The following MRPS25 variants were observed in gnomAD, a reference collection of about 807,000 sequenced individuals.
MRPS25 encodes the protein small ribosomal subunit protein mS25.
A neutral mutation model predicts 17.3 loss-of-function variants in MRPS25; 15 were observed. The observed-to-expected ratio is 0.87, with a 90% CI of 0.58 to 1.34. MRPS25 has a LOEUF of 1.34. Among genes scored for constraint, MRPS25 ranks in the 40% most tolerant of loss-of-function variants. The pLI is 0.00. For missense variants in MRPS25, 225 were observed against 218.6 expected (o/e 1.03, Z -0.19); for synonymous variants, 94 against 83.3 (o/e 1.13, Z -0.70).
At chr3:15,057,023 C>CT in intron 2 of MRPS25, among the ~76,000 whole-genome samples, 1 of 152,186 alleles carries the variant, frequency 6.6e-6, no homozygotes, top group East Asian at 1.9e-4. Context: ...CCTGCGCAGC[C>CT]TACACACACG....
At chr3:15,045,471 G>C (rs1266276063), downstream of MRPS25, 1 of 152,700 alleles carries the variant, frequency 6.5e-6, no homozygotes, top group Non-Finnish European at 1.5e-5. Context: ...AAGTCCCCTT[G>C]CTGGTGATGG....
At position 15,049,114 on chromosome 3, in the gene MRPS25, G is replaced by C. The variant is rs1449118106; in HGVS notation, c.*3327C>G. On this transcript the variant is annotated 3_prime_UTR_variant, in exon 4 of 4. Transcript: ENST00000253686. ...ATATCTAATCAATGTCTTCAGTCTT[G>C]AAGAAGAATTTGCATTGTTGTGTTT... is the stretch of plus-strand genomic sequence containing the variant. The C allele has an allele frequency of 6.6e-6, 1 of 152,598 alleles. No homozygotes were observed. Among genetic ancestry groups the C allele is most frequent in the Non-Finnish European group, 1.5e-5 (1 of 68,026 alleles). 9.5% of individuals were successfully genotyped at this position (152,598 alleles called of 1,614,324 possible).
downstream of MRPS25, chr3:15,042,799 A>C: frequency 1.9e-6 from 3 of 1,598,142 alleles, no homozygotes; most frequent in Non-Finnish European, 2.6e-6. Context: ...AGGGCATCAA[A>C]CAGTCTCCTT....
chr3:15,063,164 A>G (rs963823654), intron 1 of MRPS25, among the ~76,000 whole-genome samples: 2 of 151,960 alleles, frequency 1.3e-5, no homozygotes, highest in African/African-American at 4.9e-5. Flanking sequence ...GGGGTTTTAC[A>G]ATTTAAGGAA....
rs1322898212 is a variant in MRPS25 at position 15,051,428 on chromosome 3, C to T, written c.*1013G>A. ...CGAACTCCTGGGCTCAACTATCCGC[C>T]CACATCAGCCTCCCAAAGTGCTGGG... On this transcript the variant is annotated 3_prime_UTR_variant, in exon 4 of 4. Coordinates refer to ENST00000253686, the MANE Select transcript of MRPS25 (RefSeq NM_022497.5). 2 of 898,470 alleles carry T rather than the reference C, an allele frequency of 2.2e-6. No homozygotes were observed. Among genetic ancestry groups the T allele is most frequent in the Non-Finnish European group, 2.7e-6 (2 of 750,796 alleles). 55.7% of individuals were successfully genotyped at this position (898,470 alleles called of 1,614,324 possible). A position where few individuals can be genotyped will look rare whatever the true frequency, so the allele number is the denominator to read the frequency against.
At chr3:15,064,951 C>T (rs1575075139) in intron 1 of MRPS25, 110 bp downstream of exon 1, 1 of 1,394,388 alleles carries the variant, frequency 7.2e-7, no homozygotes, top group Non-Finnish European at 9.6e-7. Flanking sequence ...ACCTGGGGGG[C>T]CCGCCCCGGG....
chr3:15,059,270 G>A, intron 2 of MRPS25, 99 bp downstream of exon 2: 1 of 828,296 alleles, frequency 1.2e-6, no homozygotes, highest in Non-Finnish European at 2.0e-6. Context: ...CACCATGACA[G>A]CGCACACTGC....
chr3:15,058,424 C>T (rs572764072), intron 2 of MRPS25, among the ~76,000 whole-genome samples: 7 of 152,114 alleles, frequency 4.6e-5, no homozygotes, highest in South Asian at 2.1e-4. Flanking sequence ...CTCCTGACCT[C>T]GTGATCCACC....
chr3:15,064,347 T>C (rs991359013), intron 1 of MRPS25, among the ~76,000 whole-genome samples: 3 of 152,146 alleles, frequency 2.0e-5, no homozygotes, highest in African/African-American at 7.2e-5. Context: ...GTCCCTACTC[T>C]GCTCCAAGCT....
intron 1 of MRPS25, among the ~76,000 whole-genome samples, chr3:15,063,122 G>C (rs986156811): frequency 6.6e-6 from 1 of 151,908 alleles, no homozygotes; most frequent in Admixed American, 6.6e-5. Context: ...CAGACACTTT[G>C]CTAGGCACCT....
chr3:15,042,817 G>GAC (rs1559314668), downstream of MRPS25: 1 of 1,610,212 alleles, frequency 6.2e-7, no homozygotes, highest in South Asian at 1.1e-5. Context: ...CTTTTCTAAT[G>GAC]ACACTCCCTT....
chr3:15,061,878 A>C (rs1169807379), intron 1 of MRPS25, among the ~76,000 whole-genome samples: 1 of 148,644 alleles, frequency 6.7e-6, no homozygotes, highest in Non-Finnish European at 1.5e-5. Context: ...CCGTCTGAGA[A>C]GGGAGGAGAC....
intron 1 of MRPS25, among the ~76,000 whole-genome samples, 161 bp downstream of exon 1, chr3:15,064,900 G>A (rs1255214386): frequency 2.0e-5 from 3 of 152,196 alleles, no homozygotes; most frequent in African/African-American, 4.8e-5. Context: ...CCCGCCGTCC[G>A]CCTCAGTCTG....
chr3:15,058,252 C>T lies in MRPS25; in HGVS notation c.241+1117G>A, dbSNP rs929138930. Among the ~76,000 whole-genome samples, 5 of 152,150 alleles carry T rather than the reference C, an allele frequency of 3.3e-5. No individual in the cohort carries two copies. The South Asian group carries it at 8.3e-4, about 25-fold the overall frequency. On this transcript the variant is annotated intron_variant, in intron 2 of 3. Transcript: ENST00000253686. ...CCGCCCAGGCTGGAGTGCAGTGGCG[C>T]GATCTCGGCTCACTGCAAGCTCCGC...
At chr3:15,047,121 A>G (rs2042484434), downstream of MRPS25, 1 of 152,670 alleles carries the variant, frequency 6.6e-6, no homozygotes, top group African/African-American at 2.4e-5. Flanking sequence ...ACATAGATGT[A>G]TATTATGTAT....
At position 15,052,451 on chromosome 3, in the gene MRPS25, GC is replaced by G; in HGVS notation, c.511del (p.Ala171ProfsTer13). ...CAGTGACCGTGGGCCTTAGTCCTGG[GC>G]ATCGGCTTTCAGAGCGGCTTTGTAC... ...GKYKAALKAD[A>X]QD On this transcript the variant is annotated frameshift_variant, in exon 4 of 4. Transcript: ENST00000253686. LOFTEE classifies it high-confidence loss of function. 1 of 1,613,514 alleles carries G rather than the reference GC, an allele frequency of 6.2e-7. No individual in the cohort carries two copies. The highest frequency in any genetic ancestry group is 8.5e-7 in the Non-Finnish European group (1 of 1,179,502).
At chr3:15,055,317 A>G (rs28778661) in intron 2 of MRPS25, among the ~76,000 whole-genome samples, 1 of 152,010 alleles carries the variant, frequency 6.6e-6, no homozygotes, top group African/African-American at 2.4e-5. Flanking sequence ...AACCACATCA[A>G]TGAATAAACA....
Position 15,051,530 on chromosome 3 carries a change from T to C in MRPS25, c.*911A>G. On this transcript the variant is annotated 3_prime_UTR_variant, in exon 4 of 4. Coordinates refer to ENST00000253686, the MANE Select transcript of MRPS25 (RefSeq NM_022497.5). ...GACCCTAGAAGGCTCTGCTGTCTTC[T>C]GGAGGCTGAAACCTCCACTTTAGCA... 1 of 985,406 alleles carries C rather than the reference T, an allele frequency of 1.0e-6. No homozygotes were observed. The highest frequency in any genetic ancestry group is 1.2e-6 in the Non-Finnish European group (1 of 829,916). 61.0% of individuals were successfully genotyped at this position (985,406 alleles called of 1,614,324 possible).
In MRPS25 at chr3:15,049,842, C is replaced by T; in HGVS notation, c.*2599G>A. On this transcript the variant is annotated 3_prime_UTR_variant, in exon 4 of 4. Transcript: ENST00000253686. Reference sequence around the variant, plus strand: ...CAGTCATGGCTCACTCCAGCCTCAACCTCCTGGGCTCAAGTGATCCTCCTG... The same window carrying T: ...CAGTCATGGCTCACTCCAGCCTCAATCTCCTGGGCTCAAGTGATCCTCCTG... 1 of 1,272,944 alleles carries T rather than the reference C, an allele frequency of 7.9e-7. No individual in the cohort carries two copies. The highest frequency in any genetic ancestry group is 1.1e-6 in the Non-Finnish European group (1 of 910,498). The allele number at this position is 1,272,944 out of a possible 1,614,324, so 78.9% of individuals were successfully genotyped here.
Sources: allele counts gnomAD v4.1 joint callset (sites outside exome capture counted in the v4.1 genomes callset), GRCh38; gene constraint gnomAD v4.1.1; transcripts MANE v1.5; gene names NCBI Gene and HGNC (gene_info 2026-07-23, HGNC 2026-07-21).